The following GPR107 variants were observed in gnomAD, a reference collection of about 807,000 sequenced individuals.
The protein encoded by GPR107 is G protein-coupled receptor 107, also known as protein GPR107.
In GPR107, 31 loss-of-function variants were observed where a neutral mutation model predicts 75.5. The ratio of observed to expected loss-of-function variants is 0.41; its 90% CI spans 0.31 to 0.55. The LOEUF (loss-of-function observed/expected upper bound fraction) is 0.55. Ranked by LOEUF, GPR107 falls within the 20% of genes least tolerant of loss-of-function variation. GPR107 has a pLI of 0.26. For missense variants in GPR107, 572 were observed against 665.7 expected, an observed-to-expected ratio of 0.86 and a Z score of 1.55; for synonymous variants, 267 against 251.3, an observed-to-expected ratio of 1.06 and a Z score of -0.59.
At chr9:130,114,376 T>C (rs930433971) in intron 14 of GPR107, among the ~76,000 whole-genome samples, 1 of 151,756 alleles carries the variant, frequency 6.6e-6, no homozygotes, top group Non-Finnish European at 1.5e-5. Flanking sequence ...CTCGAAAAAA[T>C]ATATACATAT....
At chr9:130,095,708 T>G (rs1830851389) in intron 9 of GPR107, among the ~76,000 whole-genome samples, 1 of 150,990 alleles carries the variant, frequency 6.6e-6, no homozygotes, top group African/African-American at 2.4e-5. Context: ...TAACACAGTT[T>G]TCAATCTGTG....
At chr9:130,127,453 T>C in intron 15 of GPR107, 30 bp from the exon 16 acceptor site, 3 of 1,175,862 alleles carry the variant, frequency 2.6e-6, no homozygotes, top group Non-Finnish European at 3.8e-6. Context: ...AATGTTGATC[T>C]GATTTCCTGT....
At chr9:130,078,545 G>A (rs996523604) in intron 4 of GPR107, among the ~76,000 whole-genome samples, 20 of 152,348 alleles carry the variant, frequency 1.3e-4, no homozygotes, top group Non-Finnish European at 8.8e-5. Context: ...AGACTCTGGC[G>A]TGAATAGTGA....
chr9:130,069,030 G>A (rs550724283), intron 1 of GPR107, among the ~76,000 whole-genome samples: 7 of 152,216 alleles, frequency 4.6e-5, no homozygotes, highest in Non-Finnish European at 7.4e-5. Context: ...GTGAGCCAGC[G>A]TGCCCTGCCC....
chr9:130,063,214 GGA>G (rs1186015360), intron 1 of GPR107, among the ~76,000 whole-genome samples: 1 of 150,272 alleles, frequency 6.7e-6, no homozygotes, highest in African/African-American at 2.4e-5. Flanking sequence ...TTTTTGAGAC[GGA>G]GTCTCGCTCT....
chr9:130,125,557 A>G (rs1831654646), intron 15 of GPR107, among the ~76,000 whole-genome samples: 2 of 148,100 alleles, frequency 1.4e-5, no homozygotes, highest in African/African-American at 2.5e-5. Context: ...TATAAAATCT[A>G]GCTGTGTCTT....
At chr9:130,117,952 C>T (rs1831465527) in intron 14 of GPR107, among the ~76,000 whole-genome samples, 1 of 152,206 alleles carries the variant, frequency 6.6e-6, no homozygotes, top group Admixed American at 6.5e-5. Flanking sequence ...GTCATGATTG[C>T]ATCGTCCTGA....
intron 17 of GPR107, among the ~76,000 whole-genome samples, chr9:130,132,568 C>T (rs1831852521): frequency 6.6e-6 from 1 of 152,186 alleles, no homozygotes; most frequent in Non-Finnish European, 1.5e-5. Context: ...AGGTGGATCA[C>T]CTGAGGTCAG....
At chr9:130,093,898 C>T (rs1234756360) in intron 9 of GPR107, among the ~76,000 whole-genome samples, 1 of 152,158 alleles carries the variant, frequency 6.6e-6, no homozygotes, top group Admixed American at 6.5e-5. Context: ...TCACTGCAAC[C>T]TCCACCTCTG....
At chr9:130,071,627 A>C (rs1830214265) in intron 1 of GPR107, among the ~76,000 whole-genome samples, 1 of 152,122 alleles carries the variant, frequency 6.6e-6, no homozygotes. Flanking sequence ...GAAGACTCTG[A>C]AAACTGGGAG....
At position 130,101,983 on chromosome 9, in the gene GPR107, C is replaced by T. The variant is rs570685031; in HGVS notation, c.1131+760C>T. Reference sequence around the variant, plus strand: ...TGGCAGAGTTTGCAGCAGAGCTCCTCTCGGAGTTCTAACAGACCTCATCCA... The same window carrying T: ...TGGCAGAGTTTGCAGCAGAGCTCCTTTCGGAGTTCTAACAGACCTCATCCA... On this transcript the variant is annotated intron_variant, in intron 12 of 17. Coordinates refer to ENST00000347136, the MANE Select transcript of GPR107 (RefSeq NM_020960.5). Among the ~76,000 whole-genome samples, 7 of 152,304 alleles carry T rather than the reference C, an allele frequency of 4.6e-5. No homozygotes were observed. In the South Asian group the frequency reaches 1.5e-3, roughly 32 times the overall value.
Position 130,112,074 on chromosome 9 carries a change from A to G in GPR107, c.1306+4535A>G, listed in dbSNP as rs1831319511. 6.6e-6 allele frequency among the ~76,000 whole-genome samples: 1 copy of G among 152,170 alleles called. No homozygotes were observed. The highest frequency in any genetic ancestry group is 2.1e-4 in the South Asian group (1 of 4,822). ...TTCTCCAGTGTCATTACCTTATAGG[A>G]CTGGCGTCGAGATACACACCGTAAA... On this transcript the variant is annotated intron_variant, in intron 14 of 17. Transcript: ENST00000347136. The surrounding 1 kb of genome is among the most constrained non-coding windows in gnomAD (Gnocchi z 4.0).
chr9:130,127,471 C>T lies in GPR107; in HGVS notation c.1357-12C>T. 3.5e-6 allele frequency: 5 copies of T among 1,433,968 alleles called. No homozygotes were observed. Among genetic ancestry groups the T allele is most frequent in the Non-Finnish European group, 2.9e-6 (3 of 1,018,030 alleles). 88.8% of individuals were successfully genotyped at this position (1,433,968 alleles called of 1,614,324 possible). ...GTTGATCTGATTTCCTGTTTCTTTCCTCCTCATGCAGATTGTGTGTTACAT... is the reference window on the plus strand; with the variant it reads ...GTTGATCTGATTTCCTGTTTCTTTCTTCCTCATGCAGATTGTGTGTTACAT... On this transcript the variant is annotated splice_polypyrimidine_tract_variant and intron_variant, in intron 15 of 17. Transcript: ENST00000347136.
At chr9:130,054,707 T>C (rs1829699192) in intron 1 of GPR107, among the ~76,000 whole-genome samples, 1 of 152,232 alleles carries the variant, frequency 6.6e-6, no homozygotes, top group Admixed American at 6.5e-5. Context: ...AATGATACTC[T>C]GGATCTTGCT....
At chr9:130,085,970 T>C (rs1830606955) in intron 6 of GPR107, among the ~76,000 whole-genome samples, 1 of 151,990 alleles carries the variant, frequency 6.6e-6, no homozygotes, top group Admixed American at 6.6e-5. Context: ...AGGCTGGTCT[T>C]GAACTCCTGA....
intron 5 of GPR107, among the ~76,000 whole-genome samples, chr9:130,081,180 G>A (rs1297343317): frequency 6.6e-6 from 1 of 152,052 alleles, no homozygotes; most frequent in Non-Finnish European, 1.5e-5. Context: ...ACTGCAGCCT[G>A]GATGACAGAA....
intron 10 of GPR107, 140 bp downstream of exon 10, chr9:130,099,672 C>T (rs989828534): frequency 1.2e-5 from 7 of 592,316 alleles, no homozygotes; most frequent in African/African-American, 1.1e-4. Context: ...CTCCTCTTGT[C>T]TGGGAGGGCC....
At chr9:130,102,451 G>A (rs1236290864) in intron 12 of GPR107, among the ~76,000 whole-genome samples, 1 of 152,192 alleles carries the variant, frequency 6.6e-6, no homozygotes, top group Non-Finnish European at 1.5e-5. Context: ...CCCGTCCTGG[G>A]CTTCCCTGAA....
Position 130,077,284 on chromosome 9 carries a change from C to T in GPR107, c.307-15C>T. 1 of 1,359,804 alleles carries T rather than the reference C, an allele frequency of 7.4e-7. No homozygotes were observed. The highest frequency in any genetic ancestry group is 1.1e-6 in the Non-Finnish European group (1 of 947,692). The allele number at this position is 1,359,804 out of a possible 1,614,324, so 84.2% of individuals were successfully genotyped here. On this transcript the variant is annotated splice_polypyrimidine_tract_variant and intron_variant, in intron 3 of 17. Coordinates refer to ENST00000347136, the MANE Select transcript of GPR107 (RefSeq NM_020960.5). Reference sequence around the variant, plus strand: ...AATGAATAAGATGATGTACAATTGGCTCTTCCTTTCTCAGGATGAAGATGT... The same window carrying T: ...AATGAATAAGATGATGTACAATTGGTTCTTCCTTTCTCAGGATGAAGATGT...
Sources: allele counts gnomAD v4.1 joint callset (sites outside exome capture counted in the v4.1 genomes callset), GRCh38; gene constraint gnomAD v4.1.1; non-coding constraint Gnocchi (gnomAD v3.1); transcripts MANE v1.5; gene names NCBI Gene and HGNC (gene_info 2026-07-23, HGNC 2026-07-21).